Variants in DLGAP2 observed in about 807,000 individuals in gnomAD.
DLGAP2 encodes the protein DLG associated protein 2.
Under a neutral mutation model 100.3 loss-of-function variants are expected in DLGAP2, and 26 were observed. The ratio of observed to expected loss-of-function variants is 0.26; its 90% confidence interval spans 0.19 to 0.36. The LOEUF (loss-of-function observed/expected upper bound fraction) is 0.36. DLGAP2 is among the 10% of genes least tolerant of loss of function. The pLI, the probability that DLGAP2 is intolerant of heterozygous loss-of-function variation, is 1.00. For synonymous variants in DLGAP2, 886 were observed against 630.1 expected (o/e 1.41, Z -6.08); for missense variants, 1,858 against 1,453.2 (o/e 1.28, Z -4.53).
chr8:849,482 G>T (rs987052512), intron 1 of DLGAP2, among the ~76,000 whole-genome samples: 2 of 152,200 alleles, frequency 1.3e-5, no homozygotes, highest in Non-Finnish European at 2.9e-5. Flanking sequence ...GGATGGGAGT[G>T]GCTGTGTCAA....
At chr8:1,095,622 C>T (rs562763044) in intron 2 of DLGAP2, among the ~76,000 whole-genome samples, 5 of 152,244 alleles carry the variant, frequency 3.3e-5, no homozygotes, top group South Asian at 2.1e-4. Context: ...GAGTGCTGGG[C>T]GCACAGCCAG....
rs77810437 is a variant in DLGAP2 at position 1,477,554 on chromosome 8, G to C, written c.107-23812G>C. ...TGCACAGCCTGAGAGCCGGCAGCCC[G>C]GTGGTCATCTTCAGAGCCTGTCTAC... is the stretch of plus-strand genomic sequence containing the variant. On this transcript the variant is annotated intron_variant, in intron 3 of 14. Coordinates refer to ENST00000637795, the MANE Select transcript of DLGAP2 (RefSeq NM_001346810.2). 2.8e-3 allele frequency among the ~76,000 whole-genome samples: 419 copies of C among 152,276 alleles called. No individual in the cohort carries two copies. In the East Asian group the frequency reaches 0.028, roughly 10 times the overall value.
intron 2 of DLGAP2, among the ~76,000 whole-genome samples, chr8:965,335 C>G (rs1799829998): frequency 9.5e-6 from 1 of 105,092 alleles, no homozygotes; most frequent in Non-Finnish European, 1.9e-5. Context: ...GCACACGGCA[C>G]TGTTCACCAC....
In DLGAP2 at chr8:1,352,142, C is replaced by G. The variant is rs74867624; in HGVS notation, c.106+93259C>G. Among the ~76,000 whole-genome samples, 12 of 75,388 alleles carry G rather than the reference C, an allele frequency of 1.6e-4. 1 individual carries two copies. The highest frequency in any genetic ancestry group is 5.9e-4 in the South Asian group (1 of 1,688). The allele number at this position is 75,388 out of a possible 152,430, so 49.5% of individuals were successfully genotyped here. On this transcript the variant is annotated intron_variant, in intron 3 of 14. Coordinates refer to ENST00000637795, the MANE Select transcript of DLGAP2 (RefSeq NM_001346810.2). ...TGTGGAACGGCCGTGCGGGTCCTGA[C>G]TGTGTGTGGAAAGGCCGTGCGGGTC... is the stretch of plus-strand genomic sequence containing the variant.
At chr8:1,258,752 T>C (rs780063753) in intron 2 of DLGAP2, 99 bp from the exon 3 acceptor site, 2 of 1,072,232 alleles carry the variant, frequency 1.9e-6, no homozygotes, top group Non-Finnish European at 2.4e-6. Flanking sequence ...AGCGGCGTCA[T>C]CTTAAAGTTG....
chr8:1,372,278 C>CGCTGGTCACCGTGCTGCCAACGCTGGGAT (rs1802259037), intron 3 of DLGAP2, among the ~76,000 whole-genome samples: 1 of 152,092 alleles, frequency 6.6e-6, no homozygotes, highest in African/African-American at 2.4e-5. Flanking sequence ...AACGCTGGGA[C>CGCTGGTCACCGTGCTGCCAACGCTGGGAT]GCTGGTCACC....
chr8:1,356,285 G>C (rs1801848803), intron 3 of DLGAP2, among the ~76,000 whole-genome samples: 1 of 152,194 alleles, frequency 6.6e-6, no homozygotes, highest in Admixed American at 6.5e-5. Flanking sequence ...CTGTCCTCTG[G>C]TTTTGCAGCT....
chr8:774,669 C>T (rs1220059604), intron 1 of DLGAP2, among the ~76,000 whole-genome samples: 1 of 151,760 alleles, frequency 6.6e-6, no homozygotes, highest in African/African-American at 2.4e-5. Context: ...AGATGTGCGG[C>T]ATTATTTCTG....
At chr8:1,672,687 C>T (rs1212661928) in intron 10 of DLGAP2, among the ~76,000 whole-genome samples, 1 of 152,062 alleles carries the variant, frequency 6.6e-6, no homozygotes, top group South Asian at 2.1e-4. Context: ...TCATGGCTGC[C>T]CCAGAGCTCC....
At chr8:1,507,643 C>G (rs1453998831) in intron 4 of DLGAP2, among the ~76,000 whole-genome samples, 1 of 152,172 alleles carries the variant, frequency 6.6e-6, no homozygotes, top group African/African-American at 2.4e-5. Context: ...TGAGTGAGGG[C>G]TGCCAGCATG....
chr8:1,536,077 T>G (rs17681489), intron 4 of DLGAP2, among the ~76,000 whole-genome samples: 2 of 152,106 alleles, frequency 1.3e-5, no homozygotes, highest in Non-Finnish European at 2.9e-5. Context: ...TTAAACCGTT[T>G]GTGACAGTCA....
chr8:1,411,335 A>T (rs956547713), intron 3 of DLGAP2, among the ~76,000 whole-genome samples: 1 of 152,242 alleles, frequency 6.6e-6, no homozygotes, highest in Admixed American at 6.5e-5. Context: ...AAAATCTTAT[A>T]TGGTTTTGAA....
At chr8:1,065,008 C>G (rs1260307254) in intron 2 of DLGAP2, among the ~76,000 whole-genome samples, 5 of 152,196 alleles carry the variant, frequency 3.3e-5, no homozygotes, top group Non-Finnish European at 5.9e-5. Context: ...CTGTGTGAGT[C>G]TGGAGATACA....
At chr8:1,174,124 G>C (rs1041576666) in intron 2 of DLGAP2, among the ~76,000 whole-genome samples, 1 of 152,172 alleles carries the variant, frequency 6.6e-6, no homozygotes, top group Admixed American at 6.5e-5. Flanking sequence ...GGGCTTAGGG[G>C]AGATCTAAGT....
chr8:1,308,091 C>T (rs1800533259), intron 3 of DLGAP2, among the ~76,000 whole-genome samples: 1 of 152,176 alleles, frequency 6.6e-6, no homozygotes, highest in Non-Finnish European at 1.5e-5. Flanking sequence ...TGTGCGTGTT[C>T]AGAAAAGGCC....
intron 12 of DLGAP2, among the ~76,000 whole-genome samples, chr8:1,687,456 C>T (rs1226987615): frequency 6.6e-6 from 1 of 152,136 alleles, no homozygotes. Context: ...ATTGAATTTT[C>T]ACTTCAACTT....
At chr8:1,228,409 A>G (rs952554359) in intron 2 of DLGAP2, among the ~76,000 whole-genome samples, 1 of 152,220 alleles carries the variant, frequency 6.6e-6, no homozygotes, top group Non-Finnish European at 1.5e-5. Flanking sequence ...ACAATCTTAC[A>G]TATGCTCTTT....
chr8:1,157,590 C>T (rs1382223141), intron 2 of DLGAP2, among the ~76,000 whole-genome samples: 3 of 152,204 alleles, frequency 2.0e-5, no homozygotes, highest in Admixed American at 6.5e-5. Context: ...GACCAGCCAA[C>T]GGTGGCGCTG....
At chr8:1,227,514 G>C (rs1292244214) in intron 2 of DLGAP2, among the ~76,000 whole-genome samples, 1 of 137,796 alleles carries the variant, frequency 7.3e-6, no homozygotes, top group African/African-American at 2.8e-5. Context: ...TTTTTTTTTT[G>C]ATGGAGTTCT....
Sources: gnomAD v4.1 joint callset for allele counts (sites outside exome capture counted in the v4.1 genomes callset) on GRCh38, gnomAD v4.1.1 for gene constraint, MANE v1.5 for transcripts, NCBI Gene and HGNC (gene_info 2026-07-23, HGNC 2026-07-21) for gene names.